The following LPAR3 variants were observed in gnomAD, a reference collection of about 807,000 sequenced individuals.
The protein encoded by LPAR3 is LPA receptor 3.
In LPAR3, 7 loss-of-function variants were observed where a neutral mutation model predicts 17.8. The observed-to-expected ratio is 0.39, with a 90% confidence interval of 0.22 to 0.74. The LOEUF (loss-of-function observed/expected upper bound fraction) is 0.74, where lower values mean the gene tolerates loss of function less well. LPAR3 is among the 30% of genes least tolerant of loss of function. The probability of loss-of-function intolerance (pLI) is 0.40; values close to 1 mark genes in which losing one functional copy is unlikely to be tolerated. For synonymous variants in LPAR3, 179 were observed against 179.9 expected, an observed-to-expected ratio of 0.99 and a Z score of 0.04; for missense variants, 391 against 453.4, an observed-to-expected ratio of 0.86 and a Z score of 1.25.
At chr1:84,822,616 C>T (rs1471072133) in intron 2 of LPAR3, among the ~76,000 whole-genome samples, 2 of 152,148 alleles carry the variant, frequency 1.3e-5, no homozygotes, top group African/African-American at 4.8e-5. Flanking sequence ...TTGGTGAATA[C>T]CTCATCTCCA....
chr1:84,835,447 A>ATGTGTGTACG (rs371372104), intron 2 of LPAR3, among the ~76,000 whole-genome samples: 4 of 152,060 alleles, frequency 2.6e-5, no homozygotes, highest in Admixed American at 6.6e-5. Context: ...TGATTCGCAA[A>ATGTGTGTACG]TGTGTGTACG....
At chr1:84,857,381 A>T (rs910785083) in intron 2 of LPAR3, among the ~76,000 whole-genome samples, 3 of 152,168 alleles carry the variant, frequency 2.0e-5, no homozygotes, top group African/African-American at 7.2e-5. Flanking sequence ...TTTCTTACAG[A>T]TGAAAAAACT....
intron 2 of LPAR3, among the ~76,000 whole-genome samples, chr1:84,833,618 T>C (rs149488866): frequency 3.3e-5 from 5 of 152,368 alleles, no homozygotes; most frequent in Non-Finnish European, 5.9e-5. Flanking sequence ...GCGTGGCTTC[T>C]AGAGCCAGAC....
intron 1 of LPAR3, among the ~76,000 whole-genome samples, chr1:84,875,200 G>A (rs10157360): frequency 0.68 from 103,893 of 152,118 alleles, 35,925 homozygotes; most frequent in African/African-American, 0.76. Flanking sequence ...ATGCTTGGCC[G>A]AGAATGTCAA....
intron 2 of LPAR3, among the ~76,000 whole-genome samples, chr1:84,829,618 C>T (rs1263635985): frequency 6.6e-6 from 1 of 151,498 alleles, no homozygotes; most frequent in Non-Finnish European, 1.5e-5. Flanking sequence ...CAAAAGATCA[C>T]GTCAGTCAGG....
At chr1:84,879,263 T>C (rs11161474) in intron 1 of LPAR3, among the ~76,000 whole-genome samples, 99,206 of 150,536 alleles carry the variant, frequency 0.66, 33,378 homozygotes, top group African/African-American at 0.78. Flanking sequence ...TTATGTTCTG[T>C]AGGACAGACT....
intron 2 of LPAR3, among the ~76,000 whole-genome samples, chr1:84,824,235 C>T (rs960636860): frequency 2.6e-5 from 4 of 152,122 alleles, no homozygotes; most frequent in African/African-American, 7.2e-5. Flanking sequence ...AAGTGGCAGG[C>T]ACTGGGGTAG....
chr1:84,837,178 C>A (rs180890210), intron 2 of LPAR3, among the ~76,000 whole-genome samples: 6 of 152,218 alleles, frequency 3.9e-5, no homozygotes, highest in Admixed American at 2.0e-4. Flanking sequence ...CGTGCCACCA[C>A]ACCCAGCTAG....
At chr1:84,892,641 C>A (rs1022728373) in intron 1 of LPAR3, among the ~76,000 whole-genome samples, 2 of 152,218 alleles carry the variant, frequency 1.3e-5, no homozygotes, top group African/African-American at 2.4e-5. Context: ...TCCTAATCAC[C>A]ATCGATGGCA....
intron 1 of LPAR3, among the ~76,000 whole-genome samples, chr1:84,871,290 T>G (rs953800690): frequency 5.9e-5 from 9 of 152,222 alleles, no homozygotes; most frequent in African/African-American, 2.2e-4. Flanking sequence ...AATGAAAACT[T>G]CATGAGCAAA....
At chr1:84,890,985 G>A (rs1660542799) in intron 1 of LPAR3, among the ~76,000 whole-genome samples, 1 of 152,196 alleles carries the variant, frequency 6.6e-6, no homozygotes, top group Admixed American at 6.5e-5. Flanking sequence ...TCTGAAAAAT[G>A]AGATGGAGAG....
At chr1:84,832,265 A>G (rs1349595450) in intron 2 of LPAR3, among the ~76,000 whole-genome samples, 1 of 152,120 alleles carries the variant, frequency 6.6e-6, no homozygotes, top group East Asian at 1.9e-4. Flanking sequence ...TAAAATTCTA[A>G]TGTGCATTTT....
intron 2 of LPAR3, among the ~76,000 whole-genome samples, chr1:84,827,396 T>C (rs1570861852): frequency 6.6e-6 from 1 of 152,276 alleles, no homozygotes; most frequent in South Asian, 2.1e-4. Context: ...TTAAATTCTT[T>C]CATTTATTAT....
At chr1:84,889,093 C>A (rs1443494443) in intron 1 of LPAR3, among the ~76,000 whole-genome samples, 1 of 151,832 alleles carries the variant, frequency 6.6e-6, no homozygotes, top group Non-Finnish European at 1.5e-5. Flanking sequence ...GGACAAGAGG[C>A]CAGCCAAGGA....
intron 2 of LPAR3, among the ~76,000 whole-genome samples, chr1:84,854,547 C>G (rs1194255557): frequency 6.6e-6 from 1 of 152,156 alleles, no homozygotes; most frequent in Non-Finnish European, 1.5e-5. Context: ...GTGACACAAC[C>G]GTTGACTCAT....
chr1:84,812,423 C>CTTTTTTT lies in LPAR3; in HGVS notation c.*1416_*1422dup, dbSNP rs10579519. 11 of 75,090 alleles carry CTTTTTTT rather than the reference C, an allele frequency of 1.5e-4. No individual in the cohort carries two copies. The highest frequency in any genetic ancestry group is 1.7e-4 in the African/African-American group (3 of 17,212). The allele number at this position is 75,090 out of a possible 1,614,324, so 4.7% of individuals were successfully genotyped here. On this transcript the variant is annotated 3_prime_UTR_variant, in exon 3 of 3. Transcript: ENST00000370611. ...CATGTGTTCCCTGACATTCTCTAGTCTTTTTTTTTTTTTTTTTTTTTTTTT... is the reference window on the plus strand; with the variant it reads ...CATGTGTTCCCTGACATTCTCTAGTCTTTTTTTTTTTTTTTTTTTTTTTTTTTTTTTT...
chr1:84,813,923 T>C lies in LPAR3; in HGVS notation c.985A>G (p.Ser329Gly). 6.2e-7 allele frequency: 1 copy of C among 1,614,184 alleles called. No individual in the cohort carries two copies. The highest frequency in any genetic ancestry group is 8.5e-7 in the Non-Finnish European group (1 of 1,180,022). The change falls in exon 3 of 3, where the codon AGC becomes GGC. Residue 329 changes from serine (S) to glycine (G), a missense_variant. By Grantham distance (56) the Ser-to-Gly change is moderately conservative. Coordinates refer to ENST00000370611, the MANE Select transcript of LPAR3 (RefSeq NM_012152.3). ...RPSRIPSTVL[S>G]RSDTGSQYIE... ...TACTGGCTGCCTGTGTCACTCCTGC[T>C]GAGGACTGTGGAGGGGATGCGAGAG...
At chr1:84,826,672 C>A (rs899084821) in intron 2 of LPAR3, among the ~76,000 whole-genome samples, 1 of 150,986 alleles carries the variant, frequency 6.6e-6, no homozygotes, top group Admixed American at 6.6e-5. Context: ...ATTCTGACTA[C>A]ATTAATTCAC....
At chr1:84,854,731 A>G (rs978288323) in intron 2 of LPAR3, among the ~76,000 whole-genome samples, 2 of 152,228 alleles carry the variant, frequency 1.3e-5, no homozygotes, top group Admixed American at 1.3e-4. Context: ...TAAAGAATAA[A>G]ATAGGTTCAC....
Sources: allele counts gnomAD v4.1 joint callset (sites outside exome capture counted in the v4.1 genomes callset), GRCh38; gene constraint gnomAD v4.1.1; transcripts MANE v1.5; gene names NCBI Gene and HGNC (gene_info 2026-07-23, HGNC 2026-07-21).